Variants in GUCY1A2 observed in about 807,000 individuals in gnomAD.
GUCY1A2 encodes the protein guanylate cyclase soluble subunit alpha-2.
A neutral mutation model predicts 63.5 loss-of-function variants in GUCY1A2; 27 were observed. That is an observed-to-expected ratio of 0.43 (90% CI 0.31 to 0.59). The LOEUF is 0.59. Ranked by LOEUF, GUCY1A2 falls within the 20% of genes least tolerant of loss-of-function variation. The pLI, the probability that GUCY1A2 is intolerant of heterozygous loss-of-function variation, is 0.11. For synonymous variants in GUCY1A2, 364 were observed against 343.5 expected, an observed-to-expected ratio of 1.06 and a Z score of -0.66; for missense variants, 768 against 913.3, an observed-to-expected ratio of 0.84 and a Z score of 2.05.
chr11:106,992,621 C>T (rs896805585), intron 1 of GUCY1A2, among the ~76,000 whole-genome samples: 5 of 151,994 alleles, frequency 3.3e-5, no homozygotes, highest in African/African-American at 9.7e-5. Context: ...TGAGCCACCA[C>T]GCCCGGCCAG....
chr11:106,976,763 A>C (rs1861268382), intron 3 of GUCY1A2, among the ~76,000 whole-genome samples: 1 of 152,190 alleles, frequency 6.6e-6, no homozygotes, highest in Non-Finnish European at 1.5e-5. Context: ...ATTCATGGAA[A>C]TCTAAACCCT....
chr11:106,744,886 A>G (rs981923892), intron 6 of GUCY1A2, among the ~76,000 whole-genome samples: 4 of 152,170 alleles, frequency 2.6e-5, no homozygotes, highest in Non-Finnish European at 4.4e-5. Context: ...TTAAACTGCT[A>G]TATACTTTAG....
chr11:106,712,659 G>T (rs1863140626), intron 6 of GUCY1A2, among the ~76,000 whole-genome samples: 1 of 152,070 alleles, frequency 6.6e-6, no homozygotes, highest in South Asian at 2.1e-4. Context: ...GAAAAAATTT[G>T]TTCCTTTCAA....
chr11:106,825,013 A>G (rs1858948545), intron 4 of GUCY1A2: 2 of 1,572,578 alleles, frequency 1.3e-6, no homozygotes, highest in Non-Finnish European at 1.7e-6. Flanking sequence ...ATATGCCACT[A>G]TTTTTGTAGT....
At chr11:106,856,092 A>C (rs1397017613) in intron 4 of GUCY1A2, among the ~76,000 whole-genome samples, 2 of 141,714 alleles carry the variant, frequency 1.4e-5, no homozygotes, top group East Asian at 2.0e-4. Context: ...CACCTGGCTA[A>C]ATTTTTTTTT....
chr11:106,901,973 A>C (rs931466933), intron 4 of GUCY1A2, among the ~76,000 whole-genome samples: 4 of 152,166 alleles, frequency 2.6e-5, no homozygotes, highest in Non-Finnish European at 5.9e-5. Context: ...TTATTCCAGA[A>C]GGTTTTCAAT....
chr11:106,727,284 C>T (rs914433602), intron 6 of GUCY1A2, among the ~76,000 whole-genome samples: 1 of 152,172 alleles, frequency 6.6e-6, no homozygotes, highest in Non-Finnish European at 1.5e-5. Flanking sequence ...GTCATCCTGA[C>T]AACATGAGAC....
intron 5 of GUCY1A2, among the ~76,000 whole-genome samples, chr11:106,796,046 C>T (rs1349983686): frequency 6.6e-6 from 1 of 152,040 alleles, no homozygotes; most frequent in Non-Finnish European, 1.5e-5. Flanking sequence ...TGAATTGATC[C>T]CTTTACCATT....
chr11:106,892,157 T>C (rs894032061), intron 4 of GUCY1A2, among the ~76,000 whole-genome samples: 1 of 152,138 alleles, frequency 6.6e-6, no homozygotes, highest in Admixed American at 6.5e-5. Context: ...GTTGATGCTA[T>C]TGTAAATGGC....
chr11:106,845,792 TA>T (rs2135447009), intron 4 of GUCY1A2, among the ~76,000 whole-genome samples: 1 of 151,796 alleles, frequency 6.6e-6, no homozygotes, highest in East Asian at 1.9e-4. Context: ...TAATGATTTC[TA>T]AATCCATTCA....
intron 3 of GUCY1A2, among the ~76,000 whole-genome samples, chr11:106,940,981 T>C (rs967327548): frequency 6.6e-6 from 1 of 152,060 alleles, no homozygotes; most frequent in African/African-American, 2.4e-5. Flanking sequence ...CTATGGCACA[T>C]GAATGGGGAT....
intron 6 of GUCY1A2, among the ~76,000 whole-genome samples, chr11:106,720,872 TA>T (rs1863304136): frequency 6.6e-6 from 1 of 152,194 alleles, no homozygotes; most frequent in African/African-American, 2.4e-5. Flanking sequence ...AATAATAATG[TA>T]TTGATACTGG....
At chr11:106,740,690 T>TATGTATGTATG (rs1565274754) in intron 6 of GUCY1A2, among the ~76,000 whole-genome samples, 2 of 81,202 alleles carry the variant, frequency 2.5e-5, no homozygotes, top group African/African-American at 1.0e-4. Context: ...ATGTATGTAT[T>TATGTATGTATG]TAGAGACAGA....
Position 107,017,891 on chromosome 11 carries a change from A to G in GUCY1A2, c.165T>C (p.Ala55=). ...CCGGGGTCGGGGCCGGGGCGGCGGC[A>G]GCGGCAGCTGCGGCCGGGCTGGGCT... ...PLEPSPAAAA[A]AAAPAPTPAA... Residue 55 remains alanine (A), a synonymous_variant, in exon 1 of 8, where the codon GCT becomes GCC. Coordinates refer to ENST00000526355, the MANE Select transcript of GUCY1A2 (RefSeq NM_000855.3). The G allele has an allele frequency of 3.2e-6, 4 of 1,246,278 alleles. No homozygotes were observed. Among genetic ancestry groups the G allele is most frequent in the East Asian group, 3.3e-5 (1 of 30,626 alleles). The allele number at this position is 1,246,278 out of a possible 1,614,324, so 77.2% of individuals were successfully genotyped here.
In GUCY1A2 at chr11:106,681,403, A is replaced by C. The variant is rs1565255596; in HGVS notation, c.*6146T>G. 1 of 225,900 alleles carries C rather than the reference A, an allele frequency of 4.4e-6. No homozygotes were observed. Among genetic ancestry groups the C allele is most frequent in the African/African-American group, 2.2e-5 (1 of 44,962 alleles). The allele number at this position is 225,900 out of a possible 1,614,324, so 14.0% of individuals were successfully genotyped here. ...TCCAACCTATGCTCTACTTCCACTC[A>C]TTTATCCATCCTTAACTTCTTCCTT... On this transcript the variant is annotated 3_prime_UTR_variant, in exon 8 of 8. Coordinates refer to ENST00000526355, the MANE Select transcript of GUCY1A2 (RefSeq NM_000855.3).
Position 106,797,934 on chromosome 11 carries a change from G to A in GUCY1A2, c.1692+12059C>T, listed in dbSNP as rs535805750. Among the ~76,000 whole-genome samples the A allele has an allele frequency of 1.5e-4, 23 of 152,184 alleles. No homozygotes were observed. In the East Asian group the frequency reaches 1.7e-3, roughly 12 times the overall value. On this transcript the variant is annotated intron_variant, in intron 5 of 7. Transcript: ENST00000526355. ...CTAAAATCAGAGCAGAACTGAAGGA[G>A]ATAGAGACACAAAAGACCCTTCAAA...
At chr11:107,005,070 G>C (rs1441735198) in intron 1 of GUCY1A2, among the ~76,000 whole-genome samples, 2 of 151,992 alleles carry the variant, frequency 1.3e-5, no homozygotes, top group Non-Finnish European at 2.9e-5. Flanking sequence ...GCCCGATAAT[G>C]GTAAGCACTC....
intron 4 of GUCY1A2, among the ~76,000 whole-genome samples, chr11:106,855,666 C>T (rs1196123085): frequency 6.6e-6 from 1 of 152,074 alleles, no homozygotes; most frequent in Non-Finnish European, 1.5e-5. Flanking sequence ...TCTTTCCTTG[C>T]TGAATTATCT....
At chr11:106,828,968 G>T (rs1470214748) in intron 4 of GUCY1A2, among the ~76,000 whole-genome samples, 2 of 152,090 alleles carry the variant, frequency 1.3e-5, no homozygotes, top group Non-Finnish European at 2.9e-5. Context: ...AGATGTAAAG[G>T]GGCCCTTACA....
Sources: allele counts gnomAD v4.1 joint callset (sites outside exome capture counted in the v4.1 genomes callset), GRCh38; gene constraint gnomAD v4.1.1; transcripts MANE v1.5; gene names NCBI Gene and HGNC (gene_info 2026-07-23, HGNC 2026-07-21).